The following ATP11B variants were observed in gnomAD, a reference collection of about 807,000 sequenced individuals.
ATP11B encodes phospholipid-transporting ATPase IF.
In ATP11B, 81 loss-of-function variants were observed where a neutral mutation model predicts 157.8. The observed-to-expected ratio is 0.51, with a 90% CI of 0.43 to 0.62. The LOEUF is 0.62. Ranked by LOEUF, ATP11B falls within the 20% of genes least tolerant of loss-of-function variation. The pLI is 0.00. For synonymous variants in ATP11B, 451 were observed against 469.4 expected (o/e 0.96, Z 0.51); for missense variants, 1,165 against 1,402.2 (o/e 0.83, Z 2.70).
At chr3:182,880,070 A>G (rs1722316126) in intron 20 of ATP11B, among the ~76,000 whole-genome samples, 1 of 152,240 alleles carries the variant, frequency 6.6e-6, no homozygotes, top group Non-Finnish European at 1.5e-5. Context: ...ATAGAGCTTT[A>G]GTATAAAAAG....
At chr3:182,891,687 T>C (rs1723186302) in intron 25 of ATP11B, among the ~76,000 whole-genome samples, 1 of 152,220 alleles carries the variant, frequency 6.6e-6, no homozygotes, top group African/African-American at 2.4e-5. Flanking sequence ...GGATAAATTG[T>C]TATTGGCCAT....
At chr3:182,845,608 G>A in intron 9 of ATP11B, 86 bp downstream of exon 9, 1 of 800,594 alleles carries the variant, frequency 1.2e-6, no homozygotes, top group Non-Finnish European at 1.8e-6. Context: ...GTGGTCTTTT[G>A]GTTAGATAAT....
intron 20 of ATP11B, among the ~76,000 whole-genome samples, chr3:182,880,041 T>G (rs1413431124): frequency 1.3e-5 from 2 of 152,248 alleles, no homozygotes; most frequent in African/African-American, 4.8e-5. Flanking sequence ...CTTTGTTACT[T>G]TTAGCTATAA....
chr3:182,896,945 A>G (rs539327594), intron 26 of ATP11B, among the ~76,000 whole-genome samples, 180 bp downstream of exon 26: 2 of 152,244 alleles, frequency 1.3e-5, no homozygotes, highest in South Asian at 2.1e-4. Context: ...AAAGTTTATT[A>G]TTTTGGGAAG....
chr3:182,854,295 C>T (rs1259726033), intron 10 of ATP11B, among the ~76,000 whole-genome samples: 2 of 152,024 alleles, frequency 1.3e-5, no homozygotes, highest in Non-Finnish European at 2.9e-5. Context: ...CATGGAGAAA[C>T]CCTGTCTCTA....
chr3:182,842,177 G>A, intron 8 of ATP11B, 55 bp downstream of exon 8: 2 of 1,258,794 alleles, frequency 1.6e-6, no homozygotes, highest in Non-Finnish European at 2.3e-6. Context: ...GTTTGGGGGA[G>A]GGACTAGAAG....
chr3:182,918,557 T>C lies in ATP11B; in HGVS notation c.*453T>C. On this transcript the variant is annotated 3_prime_UTR_variant, in exon 30 of 30. Transcript: ENST00000323116. ...GAGAACTCTATTTTTTTATTAGAGTTATATTTAAAGCTTTTCATGGGAAAA... is the reference window on the plus strand; with the variant it reads ...GAGAACTCTATTTTTTTATTAGAGTCATATTTAAAGCTTTTCATGGGAAAA... The C allele has an allele frequency of 2.5e-6, 1 of 392,574 alleles. No homozygotes were observed. 24.3% of individuals were successfully genotyped at this position (392,574 alleles called of 1,614,324 possible). A position where few individuals can be genotyped will look rare whatever the true frequency, so the allele number is the denominator to read the frequency against.
intron 3 of ATP11B, among the ~76,000 whole-genome samples, chr3:182,829,118 A>G (rs1717937240): frequency 6.6e-6 from 1 of 152,200 alleles, no homozygotes; most frequent in Non-Finnish European, 1.5e-5. Context: ...TATGCTAACC[A>G]TATCCACGTA....
At position 182,794,021 on chromosome 3, in the gene ATP11B, C is replaced by G. The variant is rs555736480; in HGVS notation, c.27+235C>G. The stretch of plus-strand genomic sequence containing the variant: ...CTGGCGCCGAGCGGCCGGAGGCGGC[C>G]GCTTCTAGCCGGCGCTTCTCCGTTA... On this transcript the variant is annotated intron_variant, in intron 1 of 29. Transcript: ENST00000323116. 8.9e-4 allele frequency among the ~76,000 whole-genome samples: 135 copies of G among 152,170 alleles called. 1 individual carries two copies. The highest frequency in any genetic ancestry group is 3.1e-3 in the African/African-American group (127 of 41,566).
At position 182,823,890 on chromosome 3, in the gene ATP11B, A is replaced by T. The variant is rs538913755; in HGVS notation, c.144+3514A>T. On this transcript the variant is annotated intron_variant, in intron 2 of 29. Coordinates refer to ENST00000323116, the MANE Select transcript of ATP11B (RefSeq NM_014616.3). ...TAAAATTTATCAGTTTTAAGTGTGCAGTTTGATGAGTTTTGACAAATCTGA... is the reference window on the plus strand; with the variant it reads ...TAAAATTTATCAGTTTTAAGTGTGCTGTTTGATGAGTTTTGACAAATCTGA... 8.0e-4 allele frequency among the ~76,000 whole-genome samples: 121 copies of T among 152,128 alleles called. 1 individual carries two copies. Among genetic ancestry groups the T allele is most frequent in the Admixed American group, 4.6e-3 (70 of 15,270 alleles).
chr3:182,911,278 C>CCCCG (rs999574948), intron 28 of ATP11B, among the ~76,000 whole-genome samples: 1 of 124,682 alleles, frequency 8.0e-6, no homozygotes, highest in Non-Finnish European at 1.6e-5. Flanking sequence ...AATGCCCCCC[C>CCCCG]CCGCTAAGTC....
At position 182,793,661 on chromosome 3, in the gene ATP11B, C is replaced by G; in HGVS notation, c.-99C>G. On this transcript the variant is annotated 5_prime_UTR_variant, in exon 1 of 30. Transcript: ENST00000323116. ...GCGGCGGCGGTAAGCGGAACTTCGGCCCGAGGGGCTCGCCCGCTCCCGCCT... is the reference window on the plus strand; with the variant it reads ...GCGGCGGCGGTAAGCGGAACTTCGGGCCGAGGGGCTCGCCCGCTCCCGCCT... 2 of 748,538 alleles carry G rather than the reference C, an allele frequency of 2.7e-6. No individual in the cohort carries two copies. Among genetic ancestry groups the G allele is most frequent in the Non-Finnish European group, 3.9e-6 (2 of 515,142 alleles). The allele number at this position is 748,538 out of a possible 1,614,324, so 46.4% of individuals were successfully genotyped here.
At chr3:182,901,718 T>G (rs2108584032) in intron 28 of ATP11B, among the ~76,000 whole-genome samples, 1 of 152,314 alleles carries the variant, frequency 6.6e-6, no homozygotes, top group East Asian at 1.9e-4. Context: ...ACCTTTCCTA[T>G]AGCCTCTTTT....
At position 182,867,415 on chromosome 3, in the gene ATP11B, G is replaced by C; in HGVS notation, c.1659G>C (p.Met553Ile). 1 of 1,610,870 alleles carries C rather than the reference G, an allele frequency of 6.2e-7. No homozygotes were observed. The highest frequency in any genetic ancestry group is 8.5e-7 in the Non-Finnish European group (1 of 1,177,502). ...IVFIGNSEET[M>I]EVKTLGKLER... is the part of the protein sequence containing the mutation. The stretch of plus-strand genomic sequence containing the variant: ...TTATTGGCAATTCTGAAGAAACTAT[G>C]GAGGTTAAAACTCTTGGAAAACTGG... Residue 553 changes from methionine to isoleucine, a missense_variant, in exon 15 of 30, where the codon ATG (methionine) becomes ATC (isoleucine). Coordinates refer to ENST00000323116, the MANE Select transcript of ATP11B (RefSeq NM_014616.3).
chr3:182,851,245 C>T (rs936528942), intron 10 of ATP11B, among the ~76,000 whole-genome samples: 10 of 152,046 alleles, frequency 6.6e-5, no homozygotes, highest in Admixed American at 3.9e-4. Flanking sequence ...GAGCCGAGAT[C>T]GCACCACTGA....
intron 17 of ATP11B, among the ~76,000 whole-genome samples, 180 bp downstream of exon 17, chr3:182,869,511 T>C (rs1577052719): frequency 1.3e-5 from 2 of 152,230 alleles, no homozygotes; most frequent in South Asian, 2.1e-4. Flanking sequence ...ATATATCTTC[T>C]CTTCAAACCT....
chr3:182,874,350 G>C (rs1380014702), intron 19 of ATP11B, among the ~76,000 whole-genome samples: 4 of 152,170 alleles, frequency 2.6e-5, no homozygotes, highest in Admixed American at 6.5e-5. Context: ...GCTTTACACT[G>C]CTGTTTGATA....
chr3:182,862,560 C>T (rs1720924414), intron 12 of ATP11B, among the ~76,000 whole-genome samples: 1 of 152,162 alleles, frequency 6.6e-6, no homozygotes, highest in Admixed American at 6.5e-5. Context: ...AAGTTTGCAA[C>T]TTTTAAAGAG....
chr3:182,920,518 G>GAAAGT lies in ATP11B; in HGVS notation c.*2416_*2420dup, dbSNP rs1725411230. 6.6e-6 allele frequency: 1 copy of GAAAGT among 152,174 alleles called. No individual in the cohort carries two copies. The highest frequency in any genetic ancestry group is 2.4e-5 in the African/African-American group (1 of 41,438). 9.4% of individuals were successfully genotyped at this position (152,174 alleles called of 1,614,324 possible). On this transcript the variant is annotated 3_prime_UTR_variant, in exon 30 of 30. Transcript: ENST00000323116. ...ATATTTCTTTAAAATTCTTTCTTTG[G>GAAAGT]AAAGTATGATGTTGATAATTAACTT...
Sources: allele counts gnomAD v4.1 joint callset (sites outside exome capture counted in the v4.1 genomes callset), GRCh38; gene constraint gnomAD v4.1.1; transcripts MANE v1.5; gene names NCBI Gene and HGNC (gene_info 2026-07-23, HGNC 2026-07-21).